Variants in KAZN observed in about 807,000 individuals in gnomAD.
The protein encoded by KAZN is kazrin.
In KAZN, 40 loss-of-function variants were observed where a neutral mutation model predicts 87.4. The observed-to-expected ratio is 0.46, with a 90% CI of 0.36 to 0.60. KAZN has a LOEUF of 0.60. KAZN is among the 20% of genes least tolerant of loss of function. The probability of loss-of-function intolerance (pLI) is 0.00; values close to 1 mark genes in which losing one functional copy is unlikely to be tolerated. For missense variants in KAZN, 898 were observed against 1,073.9 expected (o/e 0.84, Z 2.29); for synonymous variants, 466 against 458.3 (o/e 1.02, Z -0.22).
At chr1:14,211,345 C>T (rs1008931554) in intron 2 of KAZN, among the ~76,000 whole-genome samples, 7 of 152,140 alleles carry the variant, frequency 4.6e-5, no homozygotes, top group African/African-American at 1.2e-4. Flanking sequence ...CTCAGCCTCC[C>T]GAGTAGCTGG....
intron 2 of KAZN, among the ~76,000 whole-genome samples, chr1:14,588,737 C>A (rs1457141897): frequency 2.0e-5 from 3 of 152,330 alleles, no homozygotes; most frequent in Admixed American, 6.5e-5. Flanking sequence ...TCTTTCTTTT[C>A]TTCCCCAAAG....
At chr1:14,247,816 C>G (rs980777816) in intron 2 of KAZN, among the ~76,000 whole-genome samples, 4 of 152,026 alleles carry the variant, frequency 2.6e-5, no homozygotes, top group African/African-American at 9.7e-5. Flanking sequence ...CTCATCCTTT[C>G]CTTTTTGCTT....
At chr1:14,653,402 C>T (rs1325089145) in intron 1 of KAZN, among the ~76,000 whole-genome samples, 3 of 152,160 alleles carry the variant, frequency 2.0e-5, no homozygotes, top group African/African-American at 7.2e-5. Context: ...CGTGTTGGGG[C>T]CCGTGGGAGA....
At chr1:14,093,722 T>C (rs575087600) in intron 1 of KAZN, among the ~76,000 whole-genome samples, 1 of 152,182 alleles carries the variant, frequency 6.6e-6, no homozygotes, top group Non-Finnish European at 1.5e-5. Flanking sequence ...ACCAATTTAT[T>C]TGATCATAGT....
At chr1:13,895,094 T>G (rs1390237432) in intron 1 of KAZN, among the ~76,000 whole-genome samples, 2 of 152,216 alleles carry the variant, frequency 1.3e-5, no homozygotes, top group African/African-American at 4.8e-5. Flanking sequence ...GAAAACATCC[T>G]TCTATGGGTC....
chr1:14,368,313 TC>T (rs1296641811), intron 2 of KAZN, among the ~76,000 whole-genome samples: 1 of 152,162 alleles, frequency 6.6e-6, no homozygotes, highest in Non-Finnish European at 1.5e-5. Flanking sequence ...ACGGGATGCA[TC>T]CCTGAGAGCC....
intron 1 of KAZN, among the ~76,000 whole-genome samples, chr1:14,756,964 C>G (rs1346045613): frequency 6.6e-6 from 1 of 152,160 alleles, no homozygotes; most frequent in Non-Finnish European, 1.5e-5. Context: ...GTCCCTTTAC[C>G]TTTTAATTTG....
intron 8 of KAZN, among the ~76,000 whole-genome samples, chr1:15,072,906 G>A (rs1639576023): frequency 6.6e-6 from 1 of 152,176 alleles, no homozygotes; most frequent in Non-Finnish European, 1.5e-5. Context: ...AGTAGGATGA[G>A]GCCGGGCGCT....
rs977731083 is a variant in KAZN at position 13,923,490 on chromosome 1, G to A, written c.91+29734G>A. On this transcript the variant is annotated intron_variant, in intron 1 of 16. Coordinates refer to the KAZN transcript ENST00000636203. The stretch of plus-strand genomic sequence containing the variant: ...GGGGAGGCTGAGGCAGGAGAATGGC[G>A]TGAACCCGGGAGGCGGAGCTTGCAG... Among the ~76,000 whole-genome samples the A allele has an allele frequency of 8.7e-5, 13 of 149,168 alleles. No homozygotes were observed. The South Asian group carries it at 1.9e-3, about 22-fold the overall frequency.
In KAZN at chr1:15,099,766, G is replaced by A. The variant is rs1208800460; in HGVS notation, c.1548-1777G>A. Among the ~76,000 whole-genome samples, 2 of 152,194 alleles carry A rather than the reference G, an allele frequency of 1.3e-5. No individual in the cohort carries two copies. The highest frequency in any genetic ancestry group is 6.5e-5 in the Admixed American group (1 of 15,278). ...TAAAAGGACCCCCTGGTGGTCCTGG[G>A]GGATGCGGAATAGAAGGGAAGCAAA... On this transcript the variant is annotated intron_variant, in intron 10 of 14. Coordinates refer to ENST00000376030, the MANE Select transcript of KAZN (RefSeq NM_201628.3). This position sits in a 1 kb window ranked among gnomAD's most constrained non-coding sequence, Gnocchi z 5.4.
chr1:14,065,704 T>C (rs771635561), intron 1 of KAZN, among the ~76,000 whole-genome samples: 18 of 152,268 alleles, frequency 1.2e-4, no homozygotes, highest in Non-Finnish European at 4.4e-5. Context: ...CCAATCGATA[T>C]GCAAGGGGCG....
chr1:15,097,440 C>T (rs1445908584), intron 10 of KAZN, among the ~76,000 whole-genome samples: 1 of 152,208 alleles, frequency 6.6e-6, no homozygotes, highest in Non-Finnish European at 1.5e-5. Context: ...CCACCAACCC[C>T]TTACCAACCC....
At chr1:14,001,143 G>T (rs1450677026) in intron 1 of KAZN, among the ~76,000 whole-genome samples, 1 of 152,200 alleles carries the variant, frequency 6.6e-6, no homozygotes, top group Non-Finnish European at 1.5e-5. Flanking sequence ...AAACTGATAA[G>T]CAACTTCAGC....
At chr1:13,956,301 C>CTTTTTTTCTTTTTTTTTTT (rs1557744553) in intron 1 of KAZN, among the ~76,000 whole-genome samples, 1 of 95,568 alleles carries the variant, frequency 1.0e-5, no homozygotes, top group Non-Finnish European at 2.3e-5. Flanking sequence ...CATTTCTTTT[C>CTTTTTTTCTTTTTTTTTTT]TTTTTTTTCT....
In KAZN at chr1:14,924,306, G is replaced by C. The variant is rs867564183; in HGVS notation, c.227-36378G>C. Reference sequence around the variant, plus strand: ...CGGCGACCTCCGGGTCTGTGAGCCCGGCGCGCGCCGTCGGAGCCCCTCGCG... The same window carrying C: ...CGGCGACCTCCGGGTCTGTGAGCCCCGCGCGCGCCGTCGGAGCCCCTCGCG... On this transcript the variant is annotated intron_variant, in intron 1 of 14. Coordinates refer to ENST00000376030, the MANE Select transcript of KAZN (RefSeq NM_201628.3). The C allele has an allele frequency of 6.3e-3, 6,191 of 985,366 alleles. 30 individuals carry two copies. The highest frequency in any genetic ancestry group is 0.015 in the South Asian group (339 of 21,904). The allele number at this position is 985,366 out of a possible 1,614,324, so 61.0% of individuals were successfully genotyped here.
intron 2 of KAZN, among the ~76,000 whole-genome samples, chr1:14,281,472 A>T (rs1389243301): frequency 6.6e-6 from 1 of 152,156 alleles, no homozygotes; most frequent in Non-Finnish European, 1.5e-5. Flanking sequence ...CTAGAGACAG[A>T]TACACCTGCA....
chr1:14,780,125 CA>C (rs1337032562), intron 1 of KAZN, among the ~76,000 whole-genome samples: 1 of 152,200 alleles, frequency 6.6e-6, no homozygotes, highest in African/African-American at 2.4e-5. Context: ...TTTAGGGCAT[CA>C]GAACCAATTT....
chr1:14,074,191 C>T (rs1030682312), intron 1 of KAZN, among the ~76,000 whole-genome samples: 16 of 152,160 alleles, frequency 1.1e-4, no homozygotes, highest in African/African-American at 3.4e-4. Flanking sequence ...CTCACAAATG[C>T]ACCTGGAAAG....
intron 1 of KAZN, among the ~76,000 whole-genome samples, chr1:14,955,577 C>T (rs1427152267): frequency 6.6e-6 from 1 of 152,230 alleles, no homozygotes; most frequent in East Asian, 1.9e-4. Flanking sequence ...AGACTTGGCT[C>T]CTGCAGGTGC....
Sources: gnomAD v4.1 joint callset for allele counts (sites outside exome capture counted in the v4.1 genomes callset) on GRCh38, gnomAD v4.1.1 for gene constraint, Gnocchi (gnomAD v3.1) non-coding constraint, MANE v1.5 for transcripts, NCBI Gene and HGNC (gene_info 2026-07-23, HGNC 2026-07-21) for gene names.